Variants in PTCD2 observed in about 807,000 individuals in gnomAD.
PTCD2 encodes the protein pentatricopeptide repeat domain 2.
A neutral mutation model predicts 42.6 loss-of-function variants in PTCD2; 31 were observed. The observed-to-expected ratio is 0.73, with a 90% confidence interval of 0.55 to 0.98. The LOEUF is 0.98. Ranked by LOEUF, PTCD2 falls within the 50% of genes least tolerant of loss-of-function variation. The pLI, the probability that PTCD2 is intolerant of heterozygous loss-of-function variation, is 0.00. For synonymous variants in PTCD2, 183 were observed against 170.9 expected (o/e 1.07, Z -0.55); for missense variants, 476 against 454.8 (o/e 1.05, Z -0.42).
intron 4 of PTCD2, among the ~76,000 whole-genome samples, chr5:72,332,543 A>G (rs866425559): frequency 1.3e-5 from 2 of 152,212 alleles, no homozygotes; most frequent in Middle Eastern, 3.2e-3. Flanking sequence ...TTTAATAAAC[A>G]TATGTTAATG....
At chr5:72,326,556 C>T in intron 2 of PTCD2, 56 bp from the exon 3 acceptor site, 8 of 1,596,424 alleles carry the variant, frequency 5.0e-6, no homozygotes, top group Non-Finnish European at 6.8e-6. Flanking sequence ...TGAGGTCAGA[C>T]TCCTTATACT....
rs76849811 is a variant in PTCD2, at chr5:72,339,479, G to A, written c.753+744G>A. Among the ~76,000 whole-genome samples the A allele has an allele frequency of 6.5e-3, 984 of 152,254 alleles. 10 individuals are homozygous for A. The highest frequency in any genetic ancestry group is 0.023 in the African/African-American group (942 of 41,518). ...CTTATTATTAATTAGAAATCAAAAC[G>A]TGAGGGTGATGCATTTCCATATACT... On this transcript the variant is annotated intron_variant, in intron 7 of 9. Coordinates refer to ENST00000380639, the MANE Select transcript of PTCD2 (RefSeq NM_024754.5).
At chr5:72,357,818 G>A (rs1005842260) in intron 9 of PTCD2, among the ~76,000 whole-genome samples, 1 of 149,924 alleles carries the variant, frequency 6.7e-6, no homozygotes, top group African/African-American at 2.5e-5. Context: ...CCAGTACCCT[G>A]GTTTTCACGA....
At chr5:72,345,775 G>T (rs1351059385) in intron 8 of PTCD2, among the ~76,000 whole-genome samples, 1 of 152,162 alleles carries the variant, frequency 6.6e-6, no homozygotes, top group Non-Finnish European at 1.5e-5. Flanking sequence ...TTAGCATAGT[G>T]CCTGGCAGGT....
intron 3 of PTCD2, 124 bp downstream of exon 3, chr5:72,326,865 CG>C: frequency 1.1e-6 from 1 of 923,800 alleles, no homozygotes; most frequent in Non-Finnish European, 1.6e-6. Context: ...ATCTCTTGTT[CG>C]GATGCCTACC....
intron 8 of PTCD2, 125 bp downstream of exon 8, chr5:72,343,161 A>G: frequency 2.3e-6 from 1 of 441,894 alleles, no homozygotes; most frequent in Non-Finnish European, 3.9e-6. Flanking sequence ...TTTTCATTCA[A>G]ATCAATAGTC....
intron 4 of PTCD2, among the ~76,000 whole-genome samples, chr5:72,334,457 A>G (rs965021087): frequency 6.6e-6 from 1 of 152,204 alleles, no homozygotes; most frequent in African/African-American, 2.4e-5. Context: ...GGTTCCTTAA[A>G]GACGTCCTTC....
intron 2 of PTCD2, 74 bp downstream of exon 2, chr5:72,322,338 G>C: frequency 1.1e-6 from 1 of 881,854 alleles, no homozygotes; most frequent in East Asian, 2.5e-5. Flanking sequence ...CCTATTCAGT[G>C]TCTCCTTCAG....
Position 72,322,197 on chromosome 5 carries a change from T to C in PTCD2, c.153T>C (p.Asn51=), listed in dbSNP as rs1561372983. Residue 51 remains asparagine (N), a synonymous_variant, in exon 2 of 10, where the codon AAT becomes AAC. Transcript: ENST00000380639. The part of the protein sequence containing the change: ...LGAKRYLLTD[N]VVKLKEFQQK... ...CTAAAAGATACCTACTTACAGATAATGTGGTGAAATTAAAAGAATTTCAAC... is the reference window on the plus strand; with the variant it reads ...CTAAAAGATACCTACTTACAGATAACGTGGTGAAATTAAAAGAATTTCAAC... The C allele has an allele frequency of 3.1e-6, 5 of 1,595,520 alleles. No individual in the cohort carries two copies. Among genetic ancestry groups the C allele is most frequent in the Admixed American group, 1.7e-5 (1 of 59,870 alleles).
chr5:72,361,718 C>T lies in PTCD2; in HGVS notation c.*3291C>T, dbSNP rs1753098561. The T allele has an allele frequency of 6.6e-6, 1 of 152,286 alleles. No individual in the cohort carries two copies. Among genetic ancestry groups the T allele is most frequent in the Non-Finnish European group, 1.5e-5 (1 of 68,112 alleles). 9.4% of individuals were successfully genotyped at this position (152,286 alleles called of 1,614,324 possible). ...GCTTCTGGATAAAGCTCAGGCTCTT[C>T]AACATGGTTTAGAAGGTCCTTCCTA... On this transcript the variant is annotated 3_prime_UTR_variant, in exon 10 of 10. Coordinates refer to ENST00000380639, the MANE Select transcript of PTCD2 (RefSeq NM_024754.5).
intron 9 of PTCD2, among the ~76,000 whole-genome samples, chr5:72,355,987 G>T (rs544849704): frequency 1.1e-4 from 17 of 152,130 alleles, no homozygotes; most frequent in Non-Finnish European, 1.3e-4. Flanking sequence ...CCACCCAAAG[G>T]CTTCTTCCTT....
At chr5:72,347,589 A>G (rs1011232138) in intron 8 of PTCD2, among the ~76,000 whole-genome samples, 1 of 152,208 alleles carries the variant, frequency 6.6e-6, no homozygotes, top group African/African-American at 2.4e-5. Flanking sequence ...TGGGAGGCTA[A>G]GGCAGGAGGA....
intron 3 of PTCD2, 110 bp downstream of exon 3, chr5:72,326,851 C>T: frequency 1.9e-6 from 2 of 1,072,450 alleles, no homozygotes; most frequent in Non-Finnish European, 2.7e-6. Flanking sequence ...CTAGTGACTT[C>T]CAGATCTCTT....
chr5:72,321,543 T>TGATTCTTCGGCCACGCTTG (rs1241026241), intron 1 of PTCD2, among the ~76,000 whole-genome samples: 1 of 152,242 alleles, frequency 6.6e-6, no homozygotes, highest in African/African-American at 2.4e-5. Context: ...TGTTAGTGCG[T>TGATTCTTCGGCCACGCTTG]GATTCTTCGG....
intron 7 of PTCD2, among the ~76,000 whole-genome samples, chr5:72,340,126 C>G (rs1391524476): frequency 6.6e-6 from 1 of 152,066 alleles, no homozygotes. Flanking sequence ...TTTTTCTACT[C>G]TCTTATGCCA....
intron 9 of PTCD2, among the ~76,000 whole-genome samples, chr5:72,354,041 G>A (rs1752744637): frequency 6.6e-6 from 1 of 152,092 alleles, no homozygotes; most frequent in African/African-American, 2.4e-5. Flanking sequence ...AAGTCTACAA[G>A]CAAAGTCAAG....
At chr5:72,325,650 G>C (rs1343299131) in intron 2 of PTCD2, among the ~76,000 whole-genome samples, 1 of 152,204 alleles carries the variant, frequency 6.6e-6, no homozygotes, top group Non-Finnish European at 1.5e-5. Context: ...CTTTTAAATT[G>C]AGAACAGTGC....
Position 72,320,511 on chromosome 5 carries a change from T to C in PTCD2, c.127+2T>C, listed in dbSNP as rs777867371. ...TCAGCTGCCGCTGCCCTCTCGGAGG[T>C]ATCCGCGGCTTTAGCCTAGGGAAGG... On this transcript the variant is annotated splice_donor_variant, in intron 1 of 9. Transcript: ENST00000380639. LOFTEE classifies it high-confidence loss of function. 1 of 1,613,556 alleles carries C rather than the reference T, an allele frequency of 6.2e-7. No individual in the cohort carries two copies. The highest frequency in any genetic ancestry group is 8.5e-7 in the Non-Finnish European group (1 of 1,179,970).
chr5:72,342,704 A>G (rs1278483601), intron 7 of PTCD2, among the ~76,000 whole-genome samples: 3 of 152,218 alleles, frequency 2.0e-5, no homozygotes, highest in East Asian at 3.8e-4. Context: ...GCTGATTCCA[A>G]TAGGAGAAGG....
Sources: allele counts gnomAD v4.1 joint callset (sites outside exome capture counted in the v4.1 genomes callset), GRCh38; gene constraint gnomAD v4.1.1; transcripts MANE v1.5; gene names NCBI Gene and HGNC (gene_info 2026-07-23, HGNC 2026-07-21).